Variants in SAE1 observed in about 807,000 individuals in gnomAD.
SAE1 encodes the protein SUMO-activating enzyme subunit 1.
Under a neutral mutation model 40.6 loss-of-function variants are expected in SAE1, and 11 were observed. The ratio of observed to expected loss-of-function variants is 0.27; its 90% CI spans 0.17 to 0.45. SAE1 has a LOEUF of 0.45. SAE1 is among the 20% of genes least tolerant of loss of function. The pLI, the probability that SAE1 is intolerant of heterozygous loss-of-function variation, is 1.00. For synonymous variants in SAE1, 155 were observed against 154.3 expected, an observed-to-expected ratio of 1.00 and a Z score of -0.03; for missense variants, 373 against 427.3, an observed-to-expected ratio of 0.87 and a Z score of 1.12.
chr19:47,209,127 G>A (rs1383680458), intron 8 of SAE1, 32 bp from the exon 9 acceptor site: 8 of 1,606,754 alleles, frequency 5.0e-6, no homozygotes, highest in African/African-American at 1.3e-5. Flanking sequence ...TAAAGCACTT[G>A]AGCTAAACCC....
chr19:47,203,774 C>T (rs771530429), intron 8 of SAE1, 34 bp downstream of exon 8: 37 of 1,574,558 alleles, frequency 2.3e-5, no homozygotes, highest in Non-Finnish European at 2.5e-5. Context: ...AAATTGTTAA[C>T]CATGACTTTG....
At chr19:47,164,254 T>C (rs561780732) in intron 5 of SAE1, among the ~76,000 whole-genome samples, 74 of 152,050 alleles carry the variant, frequency 4.9e-4, no homozygotes, top group Middle Eastern at 3.4e-3. Flanking sequence ...CTGCAAGCTC[T>C]GCCTCCTGGG....
chr19:47,158,531 AGTT>A (rs1403075003), intron 5 of SAE1, among the ~76,000 whole-genome samples: 1 of 152,122 alleles, frequency 6.6e-6, no homozygotes, highest in African/African-American at 2.4e-5. Context: ...CCAGAGGAAG[AGTT>A]GTTTGTGTTG....
chr19:47,131,791 C>T (rs1368957746), intron 1 of SAE1, among the ~76,000 whole-genome samples: 1 of 149,308 alleles, frequency 6.7e-6, no homozygotes, highest in African/African-American at 2.5e-5. Context: ...ACCTCTGCCT[C>T]CCGGATTCAA....
intron 8 of SAE1, among the ~76,000 whole-genome samples, chr19:47,204,664 A>G (rs2058676678): frequency 6.7e-6 from 1 of 149,958 alleles, no homozygotes; most frequent in Non-Finnish European, 1.5e-5. Context: ...CCACCACCAC[A>G]CCAGGCTAAT....
At chr19:47,173,671 C>T (rs999996008) in intron 6 of SAE1, among the ~76,000 whole-genome samples, 8 of 152,156 alleles carry the variant, frequency 5.3e-5, no homozygotes, top group African/African-American at 1.9e-4. Context: ...TATCTCCCCA[C>T]CCAGCTCTAA....
chr19:47,149,831 A>G (rs1023661886), intron 2 of SAE1, among the ~76,000 whole-genome samples: 4 of 152,234 alleles, frequency 2.6e-5, no homozygotes, highest in African/African-American at 9.6e-5. Context: ...TAATCTCAGC[A>G]CTTTGGGAGG....
Position 47,168,600 on chromosome 19 carries a change from GTGT to G in SAE1, c.628-1204_628-1202del, listed in dbSNP as rs530426431. On this transcript the variant is annotated intron_variant, in intron 5 of 8. Transcript: ENST00000270225. ...TGAGCCACCACACTCAGCCATAAATGTGTTGTTGTTGTTGTTTTTGAGACAGAG... is the reference window on the plus strand; with the variant it reads ...TGAGCCACCACACTCAGCCATAAATGTGTTGTTGTTGTTTTTGAGACAGAG... Among the ~76,000 whole-genome samples the G allele has an allele frequency of 1.2e-3, 179 of 152,050 alleles. 3 individuals are homozygous for G. The South Asian group carries it at 0.032, about 28-fold the overall frequency.
At chr19:47,168,850 C>T (rs1304188547) in intron 5 of SAE1, among the ~76,000 whole-genome samples, 5 of 151,986 alleles carry the variant, frequency 3.3e-5, no homozygotes, top group South Asian at 2.1e-4. Context: ...GCGATCCACC[C>T]GCCTCGGCCT....
At chr19:47,199,621 C>A (rs550993099) in intron 7 of SAE1, among the ~76,000 whole-genome samples, 35 of 152,216 alleles carry the variant, frequency 2.3e-4, no homozygotes, top group African/African-American at 8.4e-4. Flanking sequence ...TTTGAATGCC[C>A]AAGTAGTCAC....
At chr19:47,146,382 C>A (rs2058255588) in intron 2 of SAE1, among the ~76,000 whole-genome samples, 1 of 152,044 alleles carries the variant, frequency 6.6e-6, no homozygotes, top group Admixed American at 6.6e-5. Flanking sequence ...GGCAGAAGAC[C>A]ACTTAGAAGG....
intron 8 of SAE1, 141 bp from the exon 9 acceptor site, chr19:47,209,018 C>A (rs1036947889): frequency 1.5e-6 from 1 of 666,274 alleles, no homozygotes. Context: ...AAAATTGTCT[C>A]CAGACATTGC....
Position 47,209,401 on chromosome 19 carries a change from G to A in SAE1, c.*150G>A, listed in dbSNP as rs544892745. On this transcript the variant is annotated 3_prime_UTR_variant, in exon 9 of 9. Coordinates refer to ENST00000270225, the MANE Select transcript of SAE1 (RefSeq NM_005500.3). ...TTCCTGCAACGAAGGAGGTGGTGCCGACGTGCTGCTTCCCATCACCAGCAG... is the reference window on the plus strand; with the variant it reads ...TTCCTGCAACGAAGGAGGTGGTGCCAACGTGCTGCTTCCCATCACCAGCAG... 2.4e-5 allele frequency: 32 copies of A among 1,358,866 alleles called. No individual in the cohort carries two copies. The highest frequency in any genetic ancestry group is 2.0e-4 in the Admixed American group (9 of 45,892). 84.2% of individuals were successfully genotyped at this position (1,358,866 alleles called of 1,614,324 possible).
At chr19:47,192,126 T>C (rs1307186088) in intron 6 of SAE1, among the ~76,000 whole-genome samples, 3 of 152,162 alleles carry the variant, frequency 2.0e-5, no homozygotes, top group African/African-American at 7.2e-5. Context: ...AGCGTTATAG[T>C]GCCTACTATG....
At chr19:47,173,786 CTTTTTTT>C (rs749843235) in intron 6 of SAE1, among the ~76,000 whole-genome samples, 5 of 141,054 alleles carry the variant, frequency 3.5e-5, no homozygotes, top group Admixed American at 7.1e-5. Flanking sequence ...TCTTTCTTTT[CTTTTTTT>C]TTTTTTTTTG....
intron 1 of SAE1, among the ~76,000 whole-genome samples, chr19:47,131,837 A>G (rs993349398): frequency 2.0e-5 from 3 of 148,524 alleles, no homozygotes; most frequent in Non-Finnish European, 3.0e-5. Context: ...AGTAGCTGGG[A>G]TTATAGGGGC....
At position 47,163,265 on chromosome 19, in the gene SAE1, GAA is replaced by G. The variant is rs372259801; in HGVS notation, c.628-6550_628-6549del. Reference sequence around the variant, plus strand: ...TGGAGTACATCCAAAAAAAAAAAAAGAAAATTGAAATTATGTTAATAATAAAA... The same window carrying G: ...TGGAGTACATCCAAAAAAAAAAAAAGAATTGAAATTATGTTAATAATAAAA... On this transcript the variant is annotated intron_variant, in intron 5 of 8. Coordinates refer to ENST00000270225, the MANE Select transcript of SAE1 (RefSeq NM_005500.3). Among the ~76,000 whole-genome samples, 1,415 of 148,000 alleles carry G rather than the reference GAA, an allele frequency of 9.6e-3. 24 individuals are homozygous for G. The highest frequency in any genetic ancestry group is 0.034 in the African/African-American group (1,344 of 40,084).
At chr19:47,165,143 G>T (rs1403859983) in intron 5 of SAE1, among the ~76,000 whole-genome samples, 1 of 141,422 alleles carries the variant, frequency 7.1e-6, no homozygotes, top group African/African-American at 2.7e-5. Context: ...GAGTACAGTG[G>T]TTTGATTGTG....
chr19:47,189,426 T>C (rs1183924282), intron 6 of SAE1, among the ~76,000 whole-genome samples: 1 of 152,146 alleles, frequency 6.6e-6, no homozygotes, highest in African/African-American at 2.4e-5. Flanking sequence ...CCGGGCGTAG[T>C]GGTGCGTGCC....
Sources: gnomAD v4.1 joint callset for allele counts (sites outside exome capture counted in the v4.1 genomes callset) on GRCh38, gnomAD v4.1.1 for gene constraint, MANE v1.5 for transcripts, NCBI Gene and HGNC (gene_info 2026-07-23, HGNC 2026-07-21) for gene names.